Variants in ECPAS observed in about 807,000 individuals in gnomAD.
ECPAS encodes the protein proteasome adapter and scaffold protein ECM29.
In ECPAS, 70 loss-of-function variants were observed where a neutral mutation model predicts 255.1. That is an observed-to-expected ratio of 0.27 (90% CI 0.23 to 0.33). The LOEUF is 0.33. Among genes scored for constraint, ECPAS ranks in the 10% least tolerant of loss-of-function variants. The pLI is 1.00. For missense variants in ECPAS, 1,817 were observed against 2,206.4 expected (o/e 0.82, Z 3.54); for synonymous variants, 784 against 775.0 (o/e 1.01, Z -0.19).
intron 2 of ECPAS, among the ~76,000 whole-genome samples, chr9:111,459,331 T>C (rs574724976): frequency 6.6e-6 from 1 of 152,074 alleles, no homozygotes; most frequent in African/African-American, 2.4e-5. Context: ...CCTCAAGCGA[T>C]CCTCCTGCCT....
chr9:111,403,808 G>A (rs76500666), intron 24 of ECPAS, among the ~76,000 whole-genome samples: 5,529 of 149,810 alleles, frequency 0.037, 244 homozygotes, highest in South Asian at 0.056. Context: ...TAGAATACAC[G>A]TTTTCTCATC....
At chr9:111,369,747 G>C (rs1554775812) in intron 45 of ECPAS, among the ~76,000 whole-genome samples, 1 of 151,516 alleles carries the variant, frequency 6.6e-6, no homozygotes, top group Non-Finnish European at 1.5e-5. Context: ...TTTTTTGGGG[G>C]GGGGACCAGT....
intron 45 of ECPAS, among the ~76,000 whole-genome samples, chr9:111,370,023 T>C (rs2098125387): frequency 6.6e-6 from 1 of 152,182 alleles, no homozygotes; most frequent in Non-Finnish European, 1.5e-5. Flanking sequence ...TGCTGCCAGG[T>C]GTGGCTAAGT....
In ECPAS at chr9:111,395,441, G is replaced by A. The variant is rs116822568; in HGVS notation, c.2777-1136C>T. On this transcript the variant is annotated intron_variant, in intron 25 of 49. Transcript: ENST00000684092. Reference sequence around the variant, plus strand: ...TAGAACACGCATGATCAAAATTCACGTCAGAGATTCATCATCCCTCCCTTC... The same window carrying A: ...TAGAACACGCATGATCAAAATTCACATCAGAGATTCATCATCCCTCCCTTC... Among the ~76,000 whole-genome samples the A allele has an allele frequency of 1.6e-3, 244 of 152,208 alleles. 1 individual carries two copies. Among genetic ancestry groups the A allele is most frequent in the African/African-American group, 5.7e-3 (235 of 41,520 alleles).
In ECPAS at chr9:111,484,122, C is replaced by T. The variant is rs2098311662; in HGVS notation, c.-89G>A. On this transcript the variant is annotated 5_prime_UTR_variant, in exon 1 of 50. Coordinates refer to ENST00000684092, the MANE Select transcript of ECPAS (RefSeq NM_001364929.1). ...CCGGGGGCGGGCCTCTGACCTGAGT[C>T]GGAGCCGGTCTCCATGCCGCGGACG... The T allele has an allele frequency of 2.8e-6, 4 of 1,448,536 alleles. No individual in the cohort carries two copies. 89.7% of individuals were successfully genotyped at this position (1,448,536 alleles called of 1,614,324 possible). A position where few individuals can be genotyped will look rare whatever the true frequency, so the allele number is the denominator to read the frequency against.
At chr9:111,394,113 T>A (rs759818641) in intron 26 of ECPAS, 47 bp downstream of exon 26, 2 of 1,530,098 alleles carry the variant, frequency 1.3e-6, no homozygotes, top group Non-Finnish European at 1.8e-6. Context: ...TTGCTACTTA[T>A]AATACTGTGG....
At chr9:111,446,137 A>C (rs1308947916) in intron 3 of ECPAS, among the ~76,000 whole-genome samples, 1 of 152,180 alleles carries the variant, frequency 6.6e-6, no homozygotes, top group Non-Finnish European at 1.5e-5. Context: ...AGGCATTTTT[A>C]TTGTATTCTG....
In ECPAS at chr9:111,440,172, T is replaced by G. The variant is rs369579705; in HGVS notation, c.539+200A>C. ...CTGATTTCATCTTAGGCAGGTAGAGTCTAAAATCACAATGGCAACTCAGCA... is the reference window on the plus strand; with the variant it reads ...CTGATTTCATCTTAGGCAGGTAGAGGCTAAAATCACAATGGCAACTCAGCA... On this transcript the variant is annotated intron_variant, in intron 6 of 49. Coordinates refer to ENST00000684092, the MANE Select transcript of ECPAS (RefSeq NM_001364929.1). 3.3e-5 allele frequency among the ~76,000 whole-genome samples: 5 copies of G among 151,850 alleles called. No individual in the cohort carries two copies. The East Asian group carries it at 7.7e-4, about 23-fold the overall frequency.
rs1203249538 is a variant in ECPAS at position 111,393,732 on chromosome 9, A to G, written c.2925T>C (p.Ser975=). The change falls in exon 27 of 50, where the codon TCT becomes TCC. Residue 975 remains serine (S), a splice_region_variant and synonymous_variant. Coordinates refer to ENST00000684092, the MANE Select transcript of ECPAS (RefSeq NM_001364929.1). ...ATGCACTTTGAATTTCTTTAAGATG[A>G]GACTGAAAGAAGAAAAAAGGCATTA... ...RKLSTHKEVK[S]HLKEIQSAFV... 2.5e-6 allele frequency: 4 copies of G among 1,582,620 alleles called. No individual in the cohort carries two copies. The African/African-American group carries it at 4.0e-5, about 16-fold the overall frequency.
intron 1 of ECPAS, among the ~76,000 whole-genome samples, chr9:111,481,817 G>A (rs576340523): frequency 1.3e-5 from 2 of 152,270 alleles, no homozygotes; most frequent in Admixed American, 6.5e-5. Flanking sequence ...TGAACCTTGA[G>A]GACATTATGC....
At chr9:111,363,709 C>T (rs1357223539) in intron 48 of ECPAS, 50 bp from the exon 49 acceptor site, 2 of 847,864 alleles carry the variant, frequency 2.4e-6, no homozygotes, top group African/African-American at 1.8e-5. Flanking sequence ...AAAACACAAC[C>T]TCCAAGATTA....
chr9:111,388,509 G>A (rs955143740), intron 31 of ECPAS, among the ~76,000 whole-genome samples: 2 of 151,132 alleles, frequency 1.3e-5, no homozygotes, highest in African/African-American at 2.4e-5. Flanking sequence ...GCCACATTAC[G>A]GGCAGGGACT....
intron 24 of ECPAS, among the ~76,000 whole-genome samples, chr9:111,403,455 A>T (rs2098179324): frequency 7.3e-6 from 1 of 137,266 alleles, no homozygotes; most frequent in Non-Finnish European, 1.5e-5. Flanking sequence ...AAAAAAGAAT[A>T]GAAGTAACTA....
intron 8 of ECPAS, among the ~76,000 whole-genome samples, chr9:111,431,630 C>T (rs994093754): frequency 2.7e-5 from 4 of 149,716 alleles, no homozygotes; most frequent in Non-Finnish European, 4.4e-5. Context: ...CCACTCATTT[C>T]ATAAACCTAG....
At chr9:111,382,335 G>A (rs1464994878) in intron 35 of ECPAS, among the ~76,000 whole-genome samples, 1 of 150,122 alleles carries the variant, frequency 6.7e-6, no homozygotes, top group South Asian at 2.1e-4. Flanking sequence ...CGCAATCTGG[G>A]CTCACCGCAA....
Position 111,411,105 on chromosome 9 carries a change from C to T in ECPAS, c.2252G>A (p.Gly751Glu). The change falls in exon 22 of 50, where the codon GGA (glycine) becomes GAA (glutamate). Residue 751 changes from glycine to glutamate, a missense_variant. Gly to Glu is a moderately conservative substitution (Grantham distance 98). Coordinates refer to ENST00000684092, the MANE Select transcript of ECPAS (RefSeq NM_001364929.1). The stretch of plus-strand genomic sequence containing the variant: ...AGCCAAATACCTTCCCACCGTGAAT[C>T]CCAATGCAAGCAAGGATCCATGCTG... ...EIQHGSLLAL[G>E]FTVGRYLAKK... The T allele has an allele frequency of 1.2e-6, 2 of 1,613,818 alleles. No homozygotes were observed. The highest frequency in any genetic ancestry group is 1.7e-6 in the Non-Finnish European group (2 of 1,179,832).
chr9:111,366,780 A>G (rs1052297950), intron 46 of ECPAS, among the ~76,000 whole-genome samples, 153 bp from the exon 47 acceptor site: 3 of 152,214 alleles, frequency 2.0e-5, no homozygotes, highest in Non-Finnish European at 4.4e-5. Context: ...AAGCAGGAAA[A>G]AGAGAAATAA....
At position 111,484,323 on chromosome 9, in the gene ECPAS, G is replaced by A. The variant is rs756831198; in HGVS notation, c.-290C>T. 1.4e-5 allele frequency: 22 copies of A among 1,597,626 alleles called. No individual in the cohort carries two copies. Among genetic ancestry groups the A allele is most frequent in the Non-Finnish European group, 1.8e-5 (21 of 1,173,540 alleles). The stretch of plus-strand genomic sequence containing the variant: ...GCGCCCTTTTCCGAGGTCTGCGGCT[G>A]TCACGTTGGCTGGGCCCGACCTGGG... On this transcript the variant is annotated 5_prime_UTR_variant, in exon 1 of 50. Coordinates refer to ENST00000684092, the MANE Select transcript of ECPAS (RefSeq NM_001364929.1).
At chr9:111,384,393 C>A in intron 34 of ECPAS, 129 bp downstream of exon 34, 1 of 751,324 alleles carries the variant, frequency 1.3e-6, no homozygotes, top group South Asian at 1.6e-5. Flanking sequence ...ATTCTAAGAG[C>A]AGTGAACTAC....
Sources: allele counts gnomAD v4.1 joint callset (sites outside exome capture counted in the v4.1 genomes callset), GRCh38; gene constraint gnomAD v4.1.1; transcripts MANE v1.5; gene names NCBI Gene and HGNC (gene_info 2026-07-23, HGNC 2026-07-21).